Variants in TPX2 observed in about 807,000 individuals in gnomAD.
TPX2 encodes TPX2 microtubule nucleation factor, also known as targeting protein for Xklp2.
Under a neutral mutation model 93.6 loss-of-function variants are expected in TPX2, and 21 were observed. The observed-to-expected ratio is 0.22, with a 90% confidence interval of 0.16 to 0.32. The LOEUF (loss-of-function observed/expected upper bound fraction) is 0.32, where lower values mean the gene tolerates loss of function less well. TPX2 is among the 10% of genes least tolerant of loss of function. The pLI is 1.00. For synonymous variants in TPX2, 281 were observed against 298.3 expected, an observed-to-expected ratio of 0.94 and a Z score of 0.60; for missense variants, 776 against 871.1, an observed-to-expected ratio of 0.89 and a Z score of 1.37.
chr20:31,747,763 A>G (rs1250882678), intron 2 of TPX2, among the ~76,000 whole-genome samples: 1 of 142,648 alleles, frequency 7.0e-6, no homozygotes, highest in South Asian at 2.2e-4. Context: ...TGGTTGACGC[A>G]TGTGCCTTTT....
In TPX2 at chr20:31,782,306, T is replaced by C. The variant is rs548359952; in HGVS notation, c.1112T>C (p.Val371Ala). ...TKICRDPQTP[V>A]LQTKHRARAV... ...ATTTGCAGAGACCCACAGACTCCTG[T>C]ACTGCAAACCAAACACCGTGCACGG... The change falls in exon 11 of 18, where the codon GTA becomes GCA. Residue 371 changes from valine (V) to alanine (A), a missense_variant. By Grantham distance (64) the Val-to-Ala change is moderately conservative. Around this residue, in one of 3 missense-constraint regions of TPX2, gnomAD observed 461 missense variants for 551.2 expected, o/e 0.84. Transcript: ENST00000300403. 6.2e-7 allele frequency: 1 copy of C among 1,614,040 alleles called. No individual in the cohort carries two copies. Among genetic ancestry groups the C allele is most frequent in the Non-Finnish European group, 8.5e-7 (1 of 1,179,970 alleles).
At chr20:31,769,833 T>A (rs1291734007) in intron 5 of TPX2, among the ~76,000 whole-genome samples, 1 of 152,232 alleles carries the variant, frequency 6.6e-6, no homozygotes, top group African/African-American at 2.4e-5. Context: ...AGTCTTACTC[T>A]GTTGCCCAGG....
intron 2 of TPX2, among the ~76,000 whole-genome samples, chr20:31,755,354 G>A (rs1456790290): frequency 6.6e-6 from 1 of 152,014 alleles, no homozygotes; most frequent in East Asian, 1.9e-4. Context: ...AAAGTGCTGG[G>A]ATTACAGGCA....
intron 2 of TPX2, among the ~76,000 whole-genome samples, chr20:31,752,352 G>A (rs2061825337): frequency 6.6e-6 from 1 of 152,120 alleles, no homozygotes; most frequent in Non-Finnish European, 1.5e-5. Context: ...GTTCTCATTG[G>A]CCAGAACTGT....
chr20:31,744,226 AT>A (rs1391251734), intron 2 of TPX2, among the ~76,000 whole-genome samples: 3 of 129,316 alleles, frequency 2.3e-5, no homozygotes, highest in Non-Finnish European at 4.7e-5. Context: ...CAATGGCGCG[AT>A]CTCTGGCTCA....
At chr20:31,753,871 G>T (rs1266431114) in intron 2 of TPX2, among the ~76,000 whole-genome samples, 1 of 151,870 alleles carries the variant, frequency 6.6e-6, no homozygotes. Context: ...ACTAAAAATA[G>T]AAAAATTAGC....
At chr20:31,794,667 G>A in intron 15 of TPX2, 119 bp downstream of exon 15, 4 of 1,274,844 alleles carry the variant, frequency 3.1e-6, no homozygotes, top group Non-Finnish European at 4.3e-6. Flanking sequence ...GGCTCTCACT[G>A]TAAATCAGGG....
At chr20:31,771,780 C>T in intron 7 of TPX2, 98 bp downstream of exon 7, 1 of 1,415,010 alleles carries the variant, frequency 7.1e-7, no homozygotes, top group East Asian at 2.4e-5. Context: ...TTGGCAAACT[C>T]CTGAAGCTTT....
intron 3 of TPX2, among the ~76,000 whole-genome samples, chr20:31,759,396 G>GTTTTTTTTTTTTTTTT (rs35468756): frequency 1.0e-5 from 1 of 100,442 alleles, no homozygotes; most frequent in Non-Finnish European, 1.9e-5. Context: ...GTTTTCTTTC[G>GTTTTTTTTTTTTTTTT]TTTTTTTTTT....
At chr20:31,780,305 A>C (rs1472057082) in intron 10 of TPX2, among the ~76,000 whole-genome samples, 2 of 151,750 alleles carry the variant, frequency 1.3e-5, no homozygotes, top group Non-Finnish European at 2.9e-5. Flanking sequence ...GCCCGCCTCA[A>C]CCTCCCAAAG....
intron 12 of TPX2, among the ~76,000 whole-genome samples, chr20:31,790,593 C>T (rs1199338952): frequency 2.6e-5 from 4 of 152,170 alleles, no homozygotes; most frequent in Non-Finnish European, 4.4e-5. Context: ...CCAAGAAAGA[C>T]ATTCCAAACA....
intron 4 of TPX2, 100 bp from the exon 5 acceptor site, chr20:31,766,454 GGT>G (rs35700111): frequency 0.13 from 94,384 of 706,446 alleles, 83 homozygotes; most frequent in East Asian, 0.22. Flanking sequence ...GCTTAGACAG[GGT>G]GTGTGTGTGT....
At chr20:31,765,314 C>CAAA (rs796500792) in intron 4 of TPX2, among the ~76,000 whole-genome samples, 9 of 53,680 alleles carry the variant, frequency 1.7e-4, no homozygotes, top group African/African-American at 3.1e-4. Flanking sequence ...TATTGAAAAG[C>CAAA]AAAAAAAAAA....
chr20:31,801,108 C>T lies in TPX2; in HGVS notation c.*28C>T, dbSNP rs370489253. 77 of 1,592,724 alleles carry T rather than the reference C, an allele frequency of 4.8e-5. No individual in the cohort carries two copies. The highest frequency in any genetic ancestry group is 5.9e-5 in the Non-Finnish European group (69 of 1,160,812). On this transcript the variant is annotated 3_prime_UTR_variant, in exon 18 of 18. Coordinates refer to ENST00000300403, the MANE Select transcript of TPX2 (RefSeq NM_012112.5). ...TCAGCTGTGAGCTGCGGATACCGCC[C>T]GGCAATGGGACCTGCTCTTAACCTC...
At chr20:31,774,554 A>T (rs1048612125) in intron 7 of TPX2, among the ~76,000 whole-genome samples, 5 of 152,192 alleles carry the variant, frequency 3.3e-5, no homozygotes, top group African/African-American at 1.2e-4. Flanking sequence ...AACAGTCATA[A>T]ATAGGATGTG....
At chr20:31,772,981 T>C (rs1398100930) in intron 7 of TPX2, among the ~76,000 whole-genome samples, 1 of 140,656 alleles carries the variant, frequency 7.1e-6, no homozygotes, top group East Asian at 2.0e-4. Context: ...CTTTTTTTTT[T>C]TTTTTTTTTT....
Position 31,760,190 on chromosome 20 carries a change from ATCTT to A in TPX2, c.229+12_229+15del. The stretch of plus-strand genomic sequence containing the variant: ...CACCTTTGAAACCAGGTAAGAAAAC[ATCTT>A]AGAAAAAAGCTCCTTGATAGAATGG... On this transcript the variant is annotated intron_variant, in intron 4 of 17. Transcript: ENST00000300403. 1 of 1,613,072 alleles carries A rather than the reference ATCTT, an allele frequency of 6.2e-7. No individual in the cohort carries two copies. The highest frequency in any genetic ancestry group is 1.7e-5 in the Admixed American group (1 of 59,820).
intron 2 of TPX2, among the ~76,000 whole-genome samples, chr20:31,743,965 C>A (rs919719961): frequency 1.1e-4 from 17 of 151,946 alleles, no homozygotes; most frequent in African/African-American, 4.1e-4. Flanking sequence ...AGGTGATCTG[C>A]CCGCCTCTGC....
intron 11 of TPX2, 67 bp from the exon 12 acceptor site, chr20:31,783,638 A>T: frequency 6.9e-7 from 1 of 1,439,292 alleles, no homozygotes; most frequent in Non-Finnish European, 9.6e-7. Flanking sequence ...TGGTTGGCTT[A>T]CTTTGTTTGT....
Sources: gnomAD v4.1 joint callset for allele counts (sites outside exome capture counted in the v4.1 genomes callset) on GRCh38, gnomAD v4.1.1 for gene constraint, gnomAD v4.1.1 regional missense constraint, MANE v1.5 for transcripts, NCBI Gene and HGNC (gene_info 2026-07-23, HGNC 2026-07-21) for gene names.